XK: variants seen among roughly 807,000 people sequenced by gnomAD.
XK encodes X-linked Kx blood group antigen, Kell and VPS13A binding protein.
XK carries 2 observed loss-of-function variants against 14.0 expected under a neutral mutation model. The observed-to-expected ratio is 0.14, with a 90% CI of 0.06 to 0.45. The LOEUF (loss-of-function observed/expected upper bound fraction) is 0.45. Among genes scored for constraint, XK ranks in the 20% least tolerant of loss-of-function variants. The probability of loss-of-function intolerance (pLI) is 0.98; values close to 1 mark genes in which losing one functional copy is unlikely to be tolerated. For synonymous variants in XK, 149 were observed against 147.5 expected, an observed-to-expected ratio of 1.01 and a Z score of -0.08; for missense variants, 235 against 341.5, an observed-to-expected ratio of 0.69 and a Z score of 2.46.
intron 2 of XK, among the ~76,000 whole-genome samples, chrX:37,715,966 C>A (rs782106471): frequency 9.0e-6 from 1 of 111,169 alleles, no homozygotes; most frequent in African/African-American, 3.3e-5. Flanking sequence ...CTGATTTTTT[C>A]CTGGAGTTTG....
chrX:37,707,830 G>A (rs1215274659), intron 2 of XK, among the ~76,000 whole-genome samples: 1 of 112,450 alleles, frequency 8.9e-6, no homozygotes, highest in South Asian at 3.6e-4. Flanking sequence ...CTGCAATCTC[G>A]GCACTTTGGG....
intron 2 of XK, among the ~76,000 whole-genome samples, chrX:37,723,467 A>G (rs2281541): frequency 0.32 from 35,834 of 110,347 alleles, 6,731 homozygotes; most frequent in African/African-American, 0.73. Flanking sequence ...TAGCAATGAT[A>G]ATTAAAGCCA....
chrX:37,692,458 C>T (rs1310959719), intron 1 of XK, among the ~76,000 whole-genome samples: 1 of 111,583 alleles, frequency 9.0e-6, no homozygotes, highest in Non-Finnish European at 1.9e-5. Flanking sequence ...GCTCTGTCAC[C>T]CAGGCTGGAG....
intron 1 of XK, among the ~76,000 whole-genome samples, chrX:37,688,059 C>CT (rs1222330719): frequency 0.013 from 717 of 54,614 alleles, 13 homozygotes; most frequent in South Asian, 0.033. Context: ...TTCTTTCTTT[C>CT]TTTTTTTTTT....
At chrX:37,726,135 G>T (rs1416827015) in intron 2 of XK, among the ~76,000 whole-genome samples, 1 of 110,947 alleles carries the variant, frequency 9.0e-6, no homozygotes, top group African/African-American at 3.3e-5. Context: ...ATAATGATCT[G>T]TCAGTATAGG....
intron 2 of XK, among the ~76,000 whole-genome samples, chrX:37,721,823 C>CCATG (rs1927879064): frequency 9.0e-6 from 1 of 111,422 alleles, no homozygotes; most frequent in East Asian, 2.8e-4. Context: ...GATGAATGGA[C>CCATG]CATGTCTTGT....
intron 2 of XK, among the ~76,000 whole-genome samples, chrX:37,714,765 G>A (rs1927731999): frequency 9.0e-6 from 1 of 110,710 alleles, no homozygotes; most frequent in African/African-American, 3.3e-5. Context: ...TATAAGCATA[G>A]CGACTGAGGC....
chrX:37,710,836 A>G (rs1457472133), intron 2 of XK, among the ~76,000 whole-genome samples: 2 of 111,866 alleles, frequency 1.8e-5, no homozygotes, highest in African/African-American at 6.5e-5. Flanking sequence ...GAGTTGAAAA[A>G]TAATAAGACC....
At chrX:37,692,341 C>T (rs947335894) in intron 1 of XK, among the ~76,000 whole-genome samples, 2 of 111,673 alleles carry the variant, frequency 1.8e-5, no homozygotes, top group Non-Finnish European at 3.8e-5. Flanking sequence ...TTCCCCACAG[C>T]ACTTAGTAAA....
chrX:37,700,749 C>T (rs1049008688), intron 2 of XK, among the ~76,000 whole-genome samples: 11 of 110,940 alleles, frequency 9.9e-5, no homozygotes, highest in African/African-American at 3.0e-4. Flanking sequence ...TAGGGTGGAG[C>T]TGCAGACTCT....
At chrX:37,693,476 C>CGTGTGTGTGTGTGTGTGT (rs781954179) in intron 1 of XK, among the ~76,000 whole-genome samples, 4,291 of 95,827 alleles carry the variant, frequency 0.045, 116 homozygotes, top group African/African-American at 0.075. Context: ...TCTATCAATT[C>CGTGTGTGTGTGTGTGTGT]GTGTGTGTGT....
chrX:37,713,947 C>A (rs1017046824), intron 2 of XK, among the ~76,000 whole-genome samples: 2 of 111,845 alleles, frequency 1.8e-5, no homozygotes, highest in African/African-American at 6.5e-5. Flanking sequence ...AGTACCTAAT[C>A]AGAATTAGAG....
rs1928086512 is a variant in XK, at chrX:37,731,474, A to G, written c.*3012A>G. 1 of 112,395 alleles carries G rather than the reference A, an allele frequency of 8.9e-6. No individual in the cohort carries two copies. The highest frequency in any genetic ancestry group is 1.9e-5 in the Non-Finnish European group (1 of 53,217). The allele number at this position is 112,395 out of a possible 1,213,427, so 9.3% of individuals were successfully genotyped here. ...ATACCCTTTTCCAACCTACCTCACAAGGTTATCAGAAAGATCAAATTAAAT... is the reference window on the plus strand; with the variant it reads ...ATACCCTTTTCCAACCTACCTCACAGGGTTATCAGAAAGATCAAATTAAAT... On this transcript the variant is annotated 3_prime_UTR_variant, in exon 3 of 3. Coordinates refer to ENST00000378616, the MANE Select transcript of XK (RefSeq NM_021083.4).
At chrX:37,718,108 A>T (rs782813886) in intron 2 of XK, among the ~76,000 whole-genome samples, 155 of 111,586 alleles carry the variant, frequency 1.4e-3, no homozygotes, top group Admixed American at 2.4e-3. Flanking sequence ...CACACAGAAA[A>T]CTATACTCAT....
chrX:37,710,963 CAAG>C (rs1319301432), intron 2 of XK, among the ~76,000 whole-genome samples: 5 of 112,027 alleles, frequency 4.5e-5, no homozygotes, highest in East Asian at 2.8e-4. Context: ...TGTCCCAATT[CAAG>C]AAGAATTGCT....
intron 2 of XK, among the ~76,000 whole-genome samples, chrX:37,726,332 AT>A (rs372274347): frequency 2.1e-3 from 233 of 112,228 alleles, no homozygotes; most frequent in African/African-American, 7.1e-3. Flanking sequence ...ATTTCAAGAT[AT>A]TTTTAAAAAA....
At chrX:37,700,637 A>G (rs1194594569) in intron 2 of XK, among the ~76,000 whole-genome samples, 2 of 111,753 alleles carry the variant, frequency 1.8e-5, no homozygotes, top group African/African-American at 6.5e-5. Flanking sequence ...GGATAAAGAT[A>G]TAGAGACTTC....
intron 1 of XK, among the ~76,000 whole-genome samples, chrX:37,690,611 A>G (rs1400865369): frequency 8.1e-5 from 9 of 111,537 alleles, no homozygotes; most frequent in Non-Finnish European, 1.5e-4. Context: ...CAGGCCTAAT[A>G]CCCCCATCAC....
intron 2 of XK, among the ~76,000 whole-genome samples, chrX:37,707,045 A>G (rs1250201495): frequency 8.0e-5 from 9 of 112,732 alleles, no homozygotes; most frequent in Admixed American, 6.5e-4. Flanking sequence ...CTACACAGAC[A>G]CAGCAACCAT....
Sources: gnomAD v4.1 joint callset for allele counts (sites outside exome capture counted in the v4.1 genomes callset) on GRCh38, gnomAD v4.1.1 for gene constraint, MANE v1.5 for transcripts, NCBI Gene and HGNC (gene_info 2026-07-23, HGNC 2026-07-21) for gene names.